B4GALNT3: variants seen among roughly 807,000 people sequenced by gnomAD.
B4GALNT3 encodes beta-1,4-N-acetyl-galactosaminyltransferase 3.
A neutral mutation model predicts 120.2 loss-of-function variants in B4GALNT3; 86 were observed. The ratio of observed to expected loss-of-function variants is 0.72; its 90% CI spans 0.60 to 0.86. The LOEUF (loss-of-function observed/expected upper bound fraction) is 0.86, where lower values mean the gene tolerates loss of function less well. Among genes scored for constraint, B4GALNT3 ranks in the 40% least tolerant of loss-of-function variants. The pLI is 0.00. For missense variants in B4GALNT3, 1,167 were observed against 1,298.9 expected, an observed-to-expected ratio of 0.90 and a Z score of 1.56; for synonymous variants, 518 against 510.4, an observed-to-expected ratio of 1.01 and a Z score of -0.20.
Position 553,623 on chromosome 12 carries a change from C to A in B4GALNT3, c.1700C>A (p.Ser567Ter), listed in dbSNP as rs145036381. The change falls in exon 14 of 20, where the codon TCG becomes TAG. Residue 567 changes from serine (S) to a stop codon, truncating the protein, a stop_gained. Coordinates refer to ENST00000266383, the MANE Select transcript of B4GALNT3 (RefSeq NM_173593.4). LOFTEE classifies it high-confidence loss of function. ...RKTQWLNQVE[S>*]YIAEQRRGDR... Reference sequence around the variant, plus strand: ...ACTCAGTGGCTGAACCAGGTGGAGTCGTACATCGCAGAGCAGAGACGGGGT... The same window carrying A: ...ACTCAGTGGCTGAACCAGGTGGAGTAGTACATCGCAGAGCAGAGACGGGGT... The A allele has an allele frequency of 6.2e-7, 1 of 1,613,970 alleles. No homozygotes were observed. Among genetic ancestry groups the A allele is most frequent in the Admixed American group, 1.7e-5 (1 of 60,032 alleles).
In B4GALNT3 at chr12:460,261, G is replaced by A. The variant is rs1342145104; in HGVS notation, c.-116G>A. Reference sequence around the variant, plus strand: ...AGCGGCCGGGAGAGACGGCCTCGGCGCAGCCCTGAGACGCTGGGCCGGGAC... The same window carrying A: ...AGCGGCCGGGAGAGACGGCCTCGGCACAGCCCTGAGACGCTGGGCCGGGAC... On this transcript the variant is annotated 5_prime_UTR_variant, in exon 1 of 20. Transcript: ENST00000266383. The surrounding 1 kb of genome is among the most constrained non-coding windows in gnomAD (Gnocchi z 8.0). The A allele has an allele frequency of 4.8e-5, 38 of 794,700 alleles. No individual in the cohort carries two copies. The highest frequency in any genetic ancestry group is 5.0e-5 in the Non-Finnish European group (33 of 657,632). 49.2% of individuals were successfully genotyped at this position (794,700 alleles called of 1,614,324 possible).
At position 550,878 on chromosome 12, in the gene B4GALNT3, C is replaced by T. The variant is rs201331783; in HGVS notation, c.998-44C>T. 2.0e-4 allele frequency: 298 copies of T among 1,484,996 alleles called. 1 individual carries two copies. The highest frequency in any genetic ancestry group is 1.6e-3 in the Middle Eastern group (9 of 5,764). The allele number at this position is 1,484,996 out of a possible 1,614,324, so 92.0% of individuals were successfully genotyped here. The stretch of plus-strand genomic sequence containing the variant: ...GGGCAGAGGACTTCAGCCCCAGTTT[C>T]GTGCTCACCCTCACCCTCACTCCTC... On this transcript the variant is annotated intron_variant, in intron 10 of 19. Coordinates refer to ENST00000266383, the MANE Select transcript of B4GALNT3 (RefSeq NM_173593.4). The surrounding 1 kb of genome is among the most constrained non-coding windows in gnomAD (Gnocchi z 4.1).
intron 1 of B4GALNT3, among the ~76,000 whole-genome samples, chr12:514,823 G>A (rs1044142634): frequency 2.0e-5 from 3 of 152,062 alleles, no homozygotes; most frequent in Non-Finnish European, 2.9e-5. Flanking sequence ...GAGGTCAGGA[G>A]CTCGAGACCA....
intron 19 of B4GALNT3, 81 bp from the exon 20 acceptor site, chr12:561,262 G>T: frequency 9.5e-7 from 1 of 1,049,950 alleles, no homozygotes. Flanking sequence ...GGAGCGAACA[G>T]AGGGTCTGTG....
chr12:495,883 A>G (rs1028161313), intron 1 of B4GALNT3, among the ~76,000 whole-genome samples: 2 of 152,310 alleles, frequency 1.3e-5, no homozygotes, highest in South Asian at 2.1e-4. Flanking sequence ...AAGAAGATCA[A>G]TGTTCATGAA....
At position 460,588 on chromosome 12, in the gene B4GALNT3, G is replaced by A; in HGVS notation, c.169+43G>A. 7.6e-7 allele frequency: 1 copy of A among 1,323,432 alleles called. No homozygotes were observed. Among genetic ancestry groups the A allele is most frequent in the South Asian group, 2.0e-5 (1 of 50,002 alleles). 82.0% of individuals were successfully genotyped at this position (1,323,432 alleles called of 1,614,324 possible). A position where few individuals can be genotyped will look rare whatever the true frequency, so the allele number is the denominator to read the frequency against. ...GAGGCGAAGGGCGCGGGGGTGGGCG[G>A]CGGCGGCGGCTCCTGCGTTGGGGGG... On this transcript the variant is annotated intron_variant, in intron 1 of 19. Transcript: ENST00000266383. This position sits in a 1 kb window ranked among gnomAD's most constrained non-coding sequence, Gnocchi z 8.0.
intron 1 of B4GALNT3, among the ~76,000 whole-genome samples, chr12:489,326 TAAAA>T (rs200845116): frequency 6.2e-5 from 7 of 112,708 alleles, no homozygotes; most frequent in Non-Finnish European, 1.2e-4. Flanking sequence ...TCCCAGAACT[TAAAA>T]AAAAAAAAAA....
intron 14 of B4GALNT3, among the ~76,000 whole-genome samples, chr12:554,474 G>A (rs975427160): frequency 2.6e-5 from 4 of 152,112 alleles, no homozygotes; most frequent in Admixed American, 2.6e-4. Context: ...CCATTTTAAG[G>A]TGTACCTTTC....
intron 1 of B4GALNT3, among the ~76,000 whole-genome samples, chr12:487,739 G>A (rs1468605887): frequency 6.7e-6 from 1 of 149,882 alleles, no homozygotes; most frequent in Non-Finnish European, 1.5e-5. Context: ...AAGAAAAGAA[G>A]AAGAAGACCA....
intron 1 of B4GALNT3, among the ~76,000 whole-genome samples, chr12:500,445 A>T (rs959384532): frequency 6.6e-6 from 1 of 152,166 alleles, no homozygotes; most frequent in Non-Finnish European, 1.5e-5. Context: ...TGGTTTCTCT[A>T]ATGGCTTTCT....
At chr12:533,450 C>A (rs1443284162) in intron 1 of B4GALNT3, among the ~76,000 whole-genome samples, 8 of 152,348 alleles carry the variant, frequency 5.3e-5, no homozygotes, top group Admixed American at 4.6e-4. Flanking sequence ...GCAGAAGTCC[C>A]TGCAACCATA....
intron 1 of B4GALNT3, among the ~76,000 whole-genome samples, chr12:492,463 CAAA>C: frequency 6.6e-6 from 1 of 152,218 alleles, no homozygotes; most frequent in East Asian, 1.9e-4. Context: ...TGAAAGAAAT[CAAA>C]GAACTAATTA....
chr12:533,502 A>T (rs1272786921), intron 1 of B4GALNT3, among the ~76,000 whole-genome samples: 1 of 152,190 alleles, frequency 6.6e-6, no homozygotes, highest in African/African-American at 2.4e-5. Flanking sequence ...CCAGAGACAG[A>T]TCCCCTGCTG....
rs143675586 is a variant in B4GALNT3, at chr12:553,673, G to A, written c.1750G>A (p.Gly584Arg). Residue 584 changes from glycine to arginine, a missense_variant, in exon 14 of 20, where the codon GGA (glycine) becomes AGA (arginine). Gly to Arg is a moderately radical substitution (Grantham distance 125). Transcript: ENST00000266383. ...TGACAGGATGCGGCCTCAGGCCCCT[G>A]GAAGGGGCTGGCATGGGGAGGAGGA... is the stretch of plus-strand genomic sequence containing the variant. The part of the protein sequence containing the change: ...RGDRMRPQAP[G>R]RGWHGEEEVV... 26 of 1,613,916 alleles carry A rather than the reference G, an allele frequency of 1.6e-5. No homozygotes were observed. The highest frequency in any genetic ancestry group is 2.1e-5 in the Non-Finnish European group (25 of 1,179,932).
At chr12:557,960 C>G in intron 16 of B4GALNT3, 56 bp from the exon 17 acceptor site, 1 of 1,585,206 alleles carries the variant, frequency 6.3e-7, no homozygotes, top group South Asian at 1.1e-5. Context: ...CCAACTTCCT[C>G]CAGGGGACCA....
intron 1 of B4GALNT3, among the ~76,000 whole-genome samples, chr12:498,458 AT>A (rs1946409334): frequency 6.6e-6 from 1 of 152,082 alleles, no homozygotes. Flanking sequence ...AAATAACTCC[AT>A]CTGTGGCCCC....
In B4GALNT3 at chr12:553,644, G is replaced by C. The variant is rs757838238; in HGVS notation, c.1721G>C (p.Arg574Pro). 6.2e-7 allele frequency: 1 copy of C among 1,614,022 alleles called. No individual in the cohort carries two copies. The highest frequency in any genetic ancestry group is 8.5e-7 in the Non-Finnish European group (1 of 1,179,898). The change falls in exon 14 of 20, where the codon CGG (arginine) becomes CCG (proline). Residue 574 changes from arginine (R) to proline (P), a missense_variant. Arg to Pro is a moderately radical substitution (Grantham distance 103). Transcript: ENST00000266383. ...QVESYIAEQRRGDRMRPQAPG... is the reference protein window; with the variant it reads ...QVESYIAEQRPGDRMRPQAPG... Reference sequence around the variant, plus strand: ...GAGTCGTACATCGCAGAGCAGAGACGGGGTGACAGGATGCGGCCTCAGGCC... The same window carrying C: ...GAGTCGTACATCGCAGAGCAGAGACCGGGTGACAGGATGCGGCCTCAGGCC...
At chr12:527,874 C>CGTA (rs1232992691) in intron 1 of B4GALNT3, among the ~76,000 whole-genome samples, 1 of 150,932 alleles carries the variant, frequency 6.6e-6, no homozygotes, top group Non-Finnish European at 1.5e-5. Context: ...TGGGGGCTTA[C>CGTA]ATGGAGAGAT....
At chr12:501,973 T>C (rs1422092350) in intron 1 of B4GALNT3, among the ~76,000 whole-genome samples, 6 of 152,218 alleles carry the variant, frequency 3.9e-5, no homozygotes, top group African/African-American at 1.4e-4. Context: ...CTGGGCCAGC[T>C]GAGGCAGGGC....
Sources: allele counts gnomAD v4.1 joint callset (sites outside exome capture counted in the v4.1 genomes callset), GRCh38; gene constraint gnomAD v4.1.1; non-coding constraint Gnocchi (gnomAD v3.1); transcripts MANE v1.5; gene names NCBI Gene and HGNC (gene_info 2026-07-23, HGNC 2026-07-21).